The following STIM1 variants were observed in gnomAD, a reference collection of about 807,000 sequenced individuals.
The protein encoded by STIM1 is stromal interaction molecule 1.
STIM1 carries 25 observed loss-of-function variants against 74.7 expected under a neutral mutation model. The observed-to-expected ratio is 0.33, with a 90% CI of 0.24 to 0.47. STIM1 has a LOEUF of 0.47. Among genes scored for constraint, STIM1 ranks in the 20% least tolerant of loss-of-function variants. The pLI is 1.00. For synonymous variants in STIM1, 328 were observed against 348.8 expected, an observed-to-expected ratio of 0.94 and a Z score of 0.66; for missense variants, 728 against 920.8, an observed-to-expected ratio of 0.79 and a Z score of 2.71.
At chr11:3,895,954 G>T (rs192039150) in intron 1 of STIM1, among the ~76,000 whole-genome samples, 592 of 147,450 alleles carry the variant, frequency 4.0e-3, no homozygotes, top group Non-Finnish European at 5.7e-3. Flanking sequence ...GCCCAGGCTG[G>T]AGTGTAGTGG....
intron 6 of STIM1, among the ~76,000 whole-genome samples, chr11:4,072,036 C>T (rs1345572041): frequency 6.6e-6 from 1 of 152,148 alleles, no homozygotes; most frequent in African/African-American, 2.4e-5. Context: ...TGAGCAGTCC[C>T]CATACCTCAT....
rs116186238 is a variant in STIM1 at position 4,057,082 on chromosome 11, A to G, written c.497+1445A>G. Reference sequence around the variant, plus strand: ...GTGGGCCCAGAGGACAAAGAGATGTATTAGACCTGACCCCTGACTTGAGGA... The same window carrying G: ...GTGGGCCCAGAGGACAAAGAGATGTGTTAGACCTGACCCCTGACTTGAGGA... On this transcript the variant is annotated intron_variant, in intron 4 of 12. Coordinates refer to ENST00000526596, the MANE Select transcript of STIM1 (RefSeq NM_001382567.1). Among the ~76,000 whole-genome samples the G allele has an allele frequency of 4.2e-3, 641 of 152,348 alleles. 2 individuals are homozygous for G. The highest frequency in any genetic ancestry group is 0.014 in the African/African-American group (575 of 41,578).
In STIM1 at chr11:4,086,506, C is replaced by T. The variant is rs149456514; in HGVS notation, c.1597C>T (p.Arg533Cys). Residue 533 changes from arginine (R) to cysteine (C), a missense_variant, in exon 12 of 13, where the codon CGC becomes TGC. Physicochemically the swap from Arg to Cys is radical, Grantham distance 180. Coordinates refer to ENST00000526596, the MANE Select transcript of STIM1 (RefSeq NM_001382567.1). The stretch of plus-strand genomic sequence containing the variant: ...TAGCCTGCAGAGCAGTGTTCGGCAG[C>T]GCCTGACGGAGCCACAGCATGGCCT... ...APSLQSSVRQ[R>C]LTEPQHGLGS... The T allele has an allele frequency of 3.2e-5, 51 of 1,614,138 alleles. No individual in the cohort carries two copies. Among genetic ancestry groups the T allele is most frequent in the East Asian group, 2.9e-4 (13 of 44,878 alleles).
At chr11:3,986,373 C>T (rs1460388047) in intron 2 of STIM1, among the ~76,000 whole-genome samples, 1 of 152,048 alleles carries the variant, frequency 6.6e-6, no homozygotes, top group Non-Finnish European at 1.5e-5. Flanking sequence ...GTATGATGTC[C>T]TTGGGAATCT....
chr11:3,860,561 G>T (rs1162177728), intron 1 of STIM1, among the ~76,000 whole-genome samples: 1 of 152,244 alleles, frequency 6.6e-6, no homozygotes, highest in African/African-American at 2.4e-5. Flanking sequence ...CTGCCTGGGA[G>T]AGCTGGGGGA....
chr11:3,895,608 C>CTCCCTTTCTT (rs1565104458), intron 1 of STIM1, among the ~76,000 whole-genome samples: 1 of 53,120 alleles, frequency 1.9e-5, no homozygotes, highest in Non-Finnish European at 3.3e-5. Flanking sequence ...TTCTTTCTCT[C>CTCCCTTTCTT]TCTTTCTTTC....
At chr11:4,007,303 G>A (rs1309121437) in intron 2 of STIM1, among the ~76,000 whole-genome samples, 1 of 152,144 alleles carries the variant, frequency 6.6e-6, no homozygotes, top group Non-Finnish European at 1.5e-5. Flanking sequence ...GTCTGAAATA[G>A]TAAATCCCTT....
intron 2 of STIM1, 29 bp from the exon 3 acceptor site, chr11:4,023,844 C>T (rs1386263197): frequency 1.9e-6 from 3 of 1,588,896 alleles, no homozygotes; most frequent in African/African-American, 2.7e-5. Flanking sequence ...CTAGGTATCT[C>T]TTGTGACTTG....
In STIM1 at chr11:3,921,416, C is replaced by T. The variant is rs568481654; in HGVS notation, c.140-46136C>T. On this transcript the variant is annotated intron_variant, in intron 1 of 12. Coordinates refer to ENST00000526596, the MANE Select transcript of STIM1 (RefSeq NM_001382567.1). The stretch of plus-strand genomic sequence containing the variant: ...CTAGGGATATGTAAACACTTCTACT[C>T]TTATACTGTTTGTCATAATATAGTC... 9.2e-5 allele frequency among the ~76,000 whole-genome samples: 14 copies of T among 152,306 alleles called. No homozygotes were observed. In the South Asian group the frequency reaches 2.7e-3, roughly 29 times the overall value.
At chr11:3,913,114 G>A (rs544212711) in intron 1 of STIM1, among the ~76,000 whole-genome samples, 33 of 152,262 alleles carry the variant, frequency 2.2e-4, no homozygotes, top group African/African-American at 7.9e-4. Flanking sequence ...GTATTTGAGG[G>A]TCTCTTAGTT....
chr11:3,893,476 TA>T (rs368469264), intron 1 of STIM1, among the ~76,000 whole-genome samples: 339 of 152,328 alleles, frequency 2.2e-3, no homozygotes, highest in Middle Eastern at 6.8e-3. Flanking sequence ...TCATAGGACA[TA>T]AACCTACCCA....
intron 1 of STIM1, among the ~76,000 whole-genome samples, chr11:3,888,665 T>C (rs1328895796): frequency 6.6e-6 from 1 of 151,964 alleles, no homozygotes; most frequent in East Asian, 1.9e-4. Flanking sequence ...AGCCTGGAGA[T>C]TACAGGTGCA....
chr11:4,034,363 G>T (rs10767807), intron 3 of STIM1, among the ~76,000 whole-genome samples: 87,440 of 151,928 alleles, frequency 0.58, 27,270 homozygotes, highest in African/African-American at 0.84. Flanking sequence ...TTTTATCAAA[G>T]GAGTTTTCTG....
At chr11:3,872,092 G>A (rs887789825) in intron 1 of STIM1, among the ~76,000 whole-genome samples, 6 of 151,830 alleles carry the variant, frequency 4.0e-5, no homozygotes, top group Non-Finnish European at 7.4e-5. Context: ...TACCTCTGTC[G>A]CCCAGGCTGA....
chr11:4,004,390 G>T (rs1427876894), intron 2 of STIM1, among the ~76,000 whole-genome samples: 2 of 151,390 alleles, frequency 1.3e-5, no homozygotes, highest in African/African-American at 4.9e-5. Flanking sequence ...AAACAGAGAT[G>T]TAGATCAATG....
intron 10 of STIM1, among the ~76,000 whole-genome samples, chr11:4,083,992 A>G (rs1237067424): frequency 6.6e-6 from 1 of 152,194 alleles, no homozygotes; most frequent in Non-Finnish European, 1.5e-5. Flanking sequence ...CTAAGCTGGA[A>G]AGGCATTCTT....
chr11:4,075,048 G>C (rs1161088508), intron 7 of STIM1, among the ~76,000 whole-genome samples: 1 of 152,148 alleles, frequency 6.6e-6, no homozygotes. Flanking sequence ...GGCTGAGGCA[G>C]GAGAATTGCC....
intron 1 of STIM1, among the ~76,000 whole-genome samples, chr11:3,883,994 C>A (rs1452917964): frequency 1.3e-5 from 2 of 151,732 alleles, no homozygotes; most frequent in Non-Finnish European, 2.9e-5. Flanking sequence ...AGGCAATAAA[C>A]AAGGAGATAA....
intron 1 of STIM1, among the ~76,000 whole-genome samples, chr11:3,941,717 C>T (rs1208558090): frequency 2.2e-5 from 3 of 139,208 alleles, no homozygotes; most frequent in African/African-American, 7.8e-5. Flanking sequence ...GTCTCAGTGT[C>T]ACTGTGTTGC....
Sources: gnomAD v4.1 joint callset for allele counts (sites outside exome capture counted in the v4.1 genomes callset) on GRCh38, gnomAD v4.1.1 for gene constraint, MANE v1.5 for transcripts, NCBI Gene and HGNC (gene_info 2026-07-23, HGNC 2026-07-21) for gene names.